The following ADAMTSL3 variants were observed in gnomAD, a reference collection of about 807,000 sequenced individuals.
ADAMTSL3 encodes ADAMTS like 3.
Under a neutral mutation model 201.7 loss-of-function variants are expected in ADAMTSL3, and 128 were observed. The observed-to-expected ratio is 0.63, with a 90% CI of 0.55 to 0.73. ADAMTSL3 has a LOEUF of 0.73. ADAMTSL3 is among the 30% of genes least tolerant of loss of function. ADAMTSL3 has a pLI of 0.00. For missense variants in ADAMTSL3, 1,990 were observed against 2,119.6 expected, an observed-to-expected ratio of 0.94 and a Z score of 1.20; for synonymous variants, 738 against 748.4, an observed-to-expected ratio of 0.99 and a Z score of 0.23.
intron 2 of ADAMTSL3, among the ~76,000 whole-genome samples, chr15:83,658,592 C>A (rs1595980516): frequency 6.6e-6 from 1 of 152,200 alleles, no homozygotes; most frequent in African/African-American, 2.4e-5. Flanking sequence ...AGCGGCCTCC[C>A]CTCTTCCTGT....
intron 15 of ADAMTSL3, 86 bp from the exon 16 acceptor site, chr15:83,913,006 T>A: frequency 6.9e-7 from 1 of 1,444,776 alleles, no homozygotes; most frequent in South Asian, 1.3e-5. Flanking sequence ...TATTTTTGCC[T>A]TCGTTGAATG....
intron 8 of ADAMTSL3, among the ~76,000 whole-genome samples, chr15:83,859,393 GCAGT>G (rs1433184039): frequency 3.9e-5 from 6 of 152,320 alleles, no homozygotes; most frequent in African/African-American, 1.4e-4. Flanking sequence ...ACAAAGAAAG[GCAGT>G]CAGAGTTCAG....
chr15:83,775,684 T>C (rs2063061055), intron 4 of ADAMTSL3, among the ~76,000 whole-genome samples: 1 of 152,144 alleles, frequency 6.6e-6, no homozygotes, highest in African/African-American at 2.4e-5. Context: ...TGTTCTCTGT[T>C]TGGCAAGTGT....
In ADAMTSL3 at chr15:83,890,071, G is replaced by A. The variant is rs548152558; in HGVS notation, c.1073-38G>A. 3.2e-5 allele frequency: 50 copies of A among 1,572,170 alleles called. No homozygotes were observed. The East Asian group carries it at 8.2e-4, about 26-fold the overall frequency. ...TAACTCTGCCAAGTAAAAATGAAAC[G>A]GATGCAATATTCAGACTTGCCTTTT... On this transcript the variant is annotated intron_variant, in intron 10 of 29. Coordinates refer to ENST00000286744, the MANE Select transcript of ADAMTSL3 (RefSeq NM_207517.3).
At chr15:83,864,494 T>C (rs1229257857) in intron 8 of ADAMTSL3, among the ~76,000 whole-genome samples, 2 of 151,978 alleles carry the variant, frequency 1.3e-5, no homozygotes, top group African/African-American at 2.4e-5. Flanking sequence ...AGCATATAAA[T>C]AGAACCAAAG....
intron 4 of ADAMTSL3, among the ~76,000 whole-genome samples, chr15:83,787,486 G>A (rs1198684928): frequency 1.3e-5 from 2 of 152,096 alleles, no homozygotes; most frequent in Non-Finnish European, 2.9e-5. Context: ...AAACTATGTT[G>A]GGGAGTATGG....
intron 4 of ADAMTSL3, among the ~76,000 whole-genome samples, chr15:83,783,706 G>A (rs1273812271): frequency 6.6e-6 from 1 of 151,602 alleles, no homozygotes; most frequent in Admixed American, 6.6e-5. Flanking sequence ...ACCCATATAC[G>A]GAAGTTTAAT....
chr15:83,845,894 T>A (rs918792958), intron 7 of ADAMTSL3, among the ~76,000 whole-genome samples: 7 of 152,292 alleles, frequency 4.6e-5, no homozygotes, highest in Non-Finnish European at 1.0e-4. Context: ...GTTTTTGCAC[T>A]GACCCCCTCA....
chr15:83,862,342 G>A (rs1166790376), intron 8 of ADAMTSL3: 3 of 152,166 alleles, frequency 2.0e-5, no homozygotes, highest in African/African-American at 7.2e-5. Context: ...TTGAAATGAA[G>A]GAAAAATTGT....
At chr15:83,775,527 A>G (rs1000784442) in intron 4 of ADAMTSL3, among the ~76,000 whole-genome samples, 3 of 152,160 alleles carry the variant, frequency 2.0e-5, no homozygotes, top group African/African-American at 4.8e-5. Flanking sequence ...GCCAAGTGAT[A>G]TATCTCCAGA....
At position 83,841,378 on chromosome 15, in the gene ADAMTSL3, G is replaced by A. The variant is rs28675884; in HGVS notation, c.727+3163G>A. Among the ~76,000 whole-genome samples the A allele has an allele frequency of 1.3e-3, 191 of 152,266 alleles. 1 individual carries two copies. The highest frequency in any genetic ancestry group is 4.3e-3 in the African/African-American group (180 of 41,552). ...GGAAGTGGTTAAGAAATTGGGGTCCGGAGCCGCCAGCCTTCCAGGGTTAAG... is the reference window on the plus strand; with the variant it reads ...GGAAGTGGTTAAGAAATTGGGGTCCAGAGCCGCCAGCCTTCCAGGGTTAAG... On this transcript the variant is annotated intron_variant, in intron 7 of 29. Coordinates refer to ENST00000286744, the MANE Select transcript of ADAMTSL3 (RefSeq NM_207517.3).
intron 25 of ADAMTSL3, among the ~76,000 whole-genome samples, chr15:84,018,062 T>C (rs2068119986): frequency 6.6e-6 from 1 of 152,148 alleles, no homozygotes; most frequent in Non-Finnish European, 1.5e-5. Flanking sequence ...GCATGGAACA[T>C]GAAGATCAAA....
intron 21 of ADAMTSL3, among the ~76,000 whole-genome samples, chr15:83,985,232 T>TA (rs529116814): frequency 0.015 from 2,201 of 147,902 alleles, 57 homozygotes; most frequent in African/African-American, 0.052. Context: ...GTGTATCTCA[T>TA]AAAAAAAAAA....
chr15:83,998,352 G>A (rs1168671077), intron 23 of ADAMTSL3, among the ~76,000 whole-genome samples: 1 of 152,162 alleles, frequency 6.6e-6, no homozygotes, highest in African/African-American at 2.4e-5. Context: ...GGGAGGCTGA[G>A]GTTCAAGAAT....
At chr15:83,825,128 G>A (rs534646407) in intron 6 of ADAMTSL3, among the ~76,000 whole-genome samples, 56 of 151,706 alleles carry the variant, frequency 3.7e-4, no homozygotes, top group Non-Finnish European at 7.4e-4. Context: ...TTTGACAAAA[G>A]GTCAAAGCTT....
chr15:83,871,598 C>T (rs751836378), intron 9 of ADAMTSL3, among the ~76,000 whole-genome samples: 5 of 152,144 alleles, frequency 3.3e-5, no homozygotes, highest in Non-Finnish European at 5.9e-5. Context: ...CCCAGATGTT[C>T]TATGACAGAT....
intron 28 of ADAMTSL3, among the ~76,000 whole-genome samples, chr15:84,034,672 A>G (rs1375846739): frequency 6.6e-6 from 1 of 152,140 alleles, no homozygotes; most frequent in African/African-American, 2.4e-5. Flanking sequence ...CCTTCATGAG[A>G]TTGCCTGGCC....
intron 7 of ADAMTSL3, among the ~76,000 whole-genome samples, chr15:83,843,634 A>G (rs1034518969): frequency 6.6e-6 from 1 of 152,186 alleles, no homozygotes; most frequent in African/African-American, 2.4e-5. Context: ...AGCCTGCAGA[A>G]TCTACGCAGC....
chr15:83,794,565 T>G (rs1253706421), intron 4 of ADAMTSL3, among the ~76,000 whole-genome samples: 2 of 152,118 alleles, frequency 1.3e-5, no homozygotes, highest in East Asian at 3.8e-4. Context: ...TCTCTAAAGC[T>G]TACATACTGT....
Sources: allele counts gnomAD v4.1 joint callset (sites outside exome capture counted in the v4.1 genomes callset), GRCh38; gene constraint gnomAD v4.1.1; transcripts MANE v1.5; gene names NCBI Gene and HGNC (gene_info 2026-07-23, HGNC 2026-07-21).